Variants in DMD observed in about 807,000 individuals in gnomAD.
DMD encodes mutant dystrophin.
In DMD, 63 loss-of-function variants were observed where a neutral mutation model predicts 330.1. The ratio of observed to expected loss-of-function variants is 0.19; its 90% CI spans 0.16 to 0.24. The LOEUF is 0.24. Ranked by LOEUF, DMD falls within the 10% of genes least tolerant of loss-of-function variation. The pLI, the probability that DMD is intolerant of heterozygous loss-of-function variation, is 1.00. For missense variants in DMD, 3,344 were observed against 2,684.1 expected (o/e 1.25, Z -5.43); for synonymous variants, 1,223 against 959.8 (o/e 1.27, Z -5.07).
intron 2 of DMD, among the ~76,000 whole-genome samples, chrX:32,885,836 A>AGGG (rs1569539059): frequency 1.0e-4 from 11 of 108,086 alleles, no homozygotes; most frequent in African/African-American, 3.7e-4. Flanking sequence ...GGAAAAAAAA[A>AGGG]AAAAAAAAAA....
At chrX:32,180,515 T>C (rs1188560429) in intron 44 of DMD, among the ~76,000 whole-genome samples, 6 of 111,483 alleles carry the variant, frequency 5.4e-5, no homozygotes, top group Admixed American at 4.8e-4. Flanking sequence ...GGAGAGACCC[T>C]TCAGAATGAG....
At chrX:32,273,778 A>G (rs781515494) in intron 43 of DMD, among the ~76,000 whole-genome samples, 2 of 112,350 alleles carry the variant, frequency 1.8e-5, no homozygotes, top group Non-Finnish European at 3.8e-5. Context: ...CCAAGTAAAG[A>G]TAACTCACTC....
chrX:32,536,289 C>T (rs867393105), intron 17 of DMD, among the ~76,000 whole-genome samples: 3 of 65,560 alleles, frequency 4.6e-5, no homozygotes, highest in African/African-American at 2.1e-4. Context: ...AAAAAAAAAA[C>T]ACACAAATGG....
intron 47 of DMD, among the ~76,000 whole-genome samples, chrX:31,876,091 A>G (rs2093963393): frequency 8.9e-6 from 1 of 112,411 alleles, no homozygotes; most frequent in Admixed American, 9.4e-5. Context: ...AGTAGACTGT[A>G]ACAGAATGAT....
chrX:32,572,547 A>G (rs1338361777), intron 15 of DMD, among the ~76,000 whole-genome samples: 1 of 85,061 alleles, frequency 1.2e-5, no homozygotes, highest in Non-Finnish European at 2.6e-5. Flanking sequence ...GAGAAACTTT[A>G]GAGTTTTTTT....
intron 44 of DMD, among the ~76,000 whole-genome samples, chrX:32,098,550 A>C (rs1361860237): frequency 8.9e-6 from 1 of 111,984 alleles, no homozygotes; most frequent in Non-Finnish European, 1.9e-5. Context: ...TGATGTTTCT[A>C]ACTCATTCTA....
At chrX:31,711,399 C>A (rs1227165949) in intron 52 of DMD, among the ~76,000 whole-genome samples, 1 of 112,051 alleles carries the variant, frequency 8.9e-6, no homozygotes, top group African/African-American at 3.2e-5. Flanking sequence ...TTGCTGCAAG[C>A]CTTCAGCCAA....
In DMD at chrX:32,613,851, C is replaced by T. The variant is rs1374223025; in HGVS notation, c.1482+452G>A. Among the ~76,000 whole-genome samples the T allele has an allele frequency of 2.2e-4, 25 of 111,173 alleles. 1 individual carries two copies. Among genetic ancestry groups the T allele is most frequent in the Non-Finnish European group, 1.9e-5 (1 of 52,822 alleles). On this transcript the variant is annotated intron_variant, in intron 12 of 78. Coordinates refer to ENST00000357033, the MANE Select transcript of DMD (RefSeq NM_004006.3). ...TTTTGTGCTGCTGTAACAAAAATAA[C>T]TGAGAATGAGGTAATTTAGGAAGAA...
rs763923967 is a variant in DMD at position 32,773,556 on chromosome X, A to T, written c.649+35937T>A. ...TTTACCTATTTACCACTCCCTCCTTATCCTGTCCTCCCCACTTACCCTTCT... is the reference window on the plus strand; with the variant it reads ...TTTACCTATTTACCACTCCCTCCTTTTCCTGTCCTCCCCACTTACCCTTCT... On this transcript the variant is annotated intron_variant, in intron 7 of 78. Coordinates refer to ENST00000357033, the MANE Select transcript of DMD (RefSeq NM_004006.3). Among the ~76,000 whole-genome samples the T allele has an allele frequency of 7.2e-5, 7 of 97,325 alleles. No homozygotes were observed. The East Asian group carries it at 1.9e-3, about 27-fold the overall frequency. The allele number at this position is 97,325 out of a possible 115,157, so 84.5% of individuals were successfully genotyped here. A position where few individuals can be genotyped will look rare whatever the true frequency, so the allele number is the denominator to read the frequency against.
At chrX:31,202,078 C>T (rs757182151) in intron 67 of DMD, among the ~76,000 whole-genome samples, 10 of 110,568 alleles carry the variant, frequency 9.0e-5, no homozygotes, top group South Asian at 7.8e-4. Flanking sequence ...CCCAGCTACT[C>T]GGGAGGCTGA....
intron 2 of DMD, among the ~76,000 whole-genome samples, chrX:32,862,015 G>A (rs913027753): frequency 1.3e-4 from 15 of 111,757 alleles, no homozygotes; most frequent in African/African-American, 4.2e-4. Flanking sequence ...GAACACCGTC[G>A]TCTTCTTTAA....
At chrX:32,355,315 A>G (rs1277495745) in intron 37 of DMD, among the ~76,000 whole-genome samples, 1 of 111,179 alleles carries the variant, frequency 9.0e-6, no homozygotes, top group African/African-American at 3.3e-5. Flanking sequence ...TTTGCTAACC[A>G]CACTGTCTAA....
rs149378227 is a variant in DMD at position 32,479,445 on chromosome X, C to A, written c.2803+5474G>T. Among the ~76,000 whole-genome samples, 878 of 110,688 alleles carry A rather than the reference C, an allele frequency of 7.9e-3. 6 individuals carry two copies. The highest frequency in any genetic ancestry group is 0.027 in the African/African-American group (819 of 30,519). On this transcript the variant is annotated intron_variant, in intron 21 of 78. Coordinates refer to ENST00000357033, the MANE Select transcript of DMD (RefSeq NM_004006.3). ...CTTCCCTTTCCCAACCTTCCTCTTC[C>A]CCCCAGTCTCTGGTAACTACCTTTC...
rs183919035 is a variant in DMD, at chrX:33,182,710, C to T, written c.31+28572G>A. On this transcript the variant is annotated intron_variant, in intron 1 of 78. Coordinates refer to ENST00000357033, the MANE Select transcript of DMD (RefSeq NM_004006.3). ...TACTGTAAAATATTTTTCTAATTTG[C>T]ATAAAGATATCAGTTCTACCCTAGT... Among the ~76,000 whole-genome samples the T allele has an allele frequency of 2.2e-4, 25 of 112,263 alleles. No homozygotes were observed. The East Asian group carries it at 5.9e-3, about 26-fold the overall frequency.
At chrX:31,686,573 T>C (rs72625600) in intron 52 of DMD, among the ~76,000 whole-genome samples, 1,936 of 112,324 alleles carry the variant, frequency 0.017, 22 homozygotes, top group East Asian at 0.036. Context: ...TGTTTACTAG[T>C]AGAATATCTG....
chrX:31,387,462 C>T (rs2704907), intron 60 of DMD, among the ~76,000 whole-genome samples: 12,197 of 110,407 alleles, frequency 0.11, 558 homozygotes, highest in Middle Eastern at 0.17. Context: ...TACAGTGGTG[C>T]AATCTTGGCT....
At chrX:31,341,725 T>C (rs5927726) in intron 61 of DMD, among the ~76,000 whole-genome samples, 8,528 of 111,176 alleles carry the variant, frequency 0.077, 290 homozygotes, top group Middle Eastern at 0.14. Flanking sequence ...TATAACTATC[T>C]TTGTGACCTT....
chrX:33,278,062 A>T (rs187834123), intron 1 of DMD, among the ~76,000 whole-genome samples: 3 of 111,465 alleles, frequency 2.7e-5, no homozygotes, highest in Admixed American at 1.9e-4. Flanking sequence ...CTACAATCGC[A>T]CCACTGCACT....
At chrX:31,134,627 T>C (rs1376469802) in intron 76 of DMD, among the ~76,000 whole-genome samples, 1 of 111,345 alleles carries the variant, frequency 9.0e-6, no homozygotes, top group Non-Finnish European at 1.9e-5. Context: ...TTCACCATAT[T>C]GGCCAGGCTG....
Sources: gnomAD v4.1 joint callset for allele counts (sites outside exome capture counted in the v4.1 genomes callset) on GRCh38, gnomAD v4.1.1 for gene constraint, MANE v1.5 for transcripts, NCBI Gene and HGNC (gene_info 2026-07-23, HGNC 2026-07-21) for gene names.